EVC2: variants seen among roughly 807,000 people sequenced by gnomAD.
The protein encoded by EVC2 is EvC ciliary complex subunit 2.
In EVC2, 148 loss-of-function variants were observed where a neutral mutation model predicts 149.3. That is an observed-to-expected ratio of 0.99 (90% CI 0.87 to 1.14). The LOEUF (loss-of-function observed/expected upper bound fraction) is 1.14, where lower values mean the gene tolerates loss of function less well. EVC2 is among the 50% of genes most tolerant of loss of function. The pLI, the probability that EVC2 is intolerant of heterozygous loss-of-function variation, is 0.00. For missense variants in EVC2, 1,854 were observed against 1,627.3 expected, an observed-to-expected ratio of 1.14 and a Z score of -2.40; for synonymous variants, 776 against 649.9, an observed-to-expected ratio of 1.19 and a Z score of -2.95.
At chr4:5,698,138 C>G (rs183095409) in intron 1 of EVC2, among the ~76,000 whole-genome samples, 4 of 152,294 alleles carry the variant, frequency 2.6e-5, no homozygotes, top group South Asian at 2.1e-4. Context: ...ATTCCCTTCT[C>G]TTTCCCAGGG....
At chr4:5,578,292 C>T in intron 17 of EVC2, among the ~76,000 whole-genome samples, 1 of 152,130 alleles carries the variant, frequency 6.6e-6, no homozygotes, top group East Asian at 1.9e-4. Flanking sequence ...GCAACAATAA[C>T]AACAATGATG....
chr4:5,540,260 G>T (rs1721490207), downstream of EVC2, among the ~76,000 whole-genome samples: 1 of 152,232 alleles, frequency 6.6e-6, no homozygotes. Flanking sequence ...AAACACTGTG[G>T]AAAGCTGTTT....
Position 5,576,501 on chromosome 4 carries a change from T to C in EVC2, c.3058-47A>G, listed in dbSNP as rs368166113. 3 of 1,543,708 alleles carry C rather than the reference T, an allele frequency of 1.9e-6. No homozygotes were observed. The highest frequency in any genetic ancestry group is 2.6e-6 in the Non-Finnish European group (3 of 1,148,922). ...GGTAAGCACCACTGCACAAGGCGGG[T>C]GGGGTGGAGGACAAAATCTGACCTC... On this transcript the variant is annotated intron_variant, in intron 17 of 21. Coordinates refer to ENST00000344408, the MANE Select transcript of EVC2 (RefSeq NM_147127.5). The surrounding 1 kb of genome is among the most constrained non-coding windows in gnomAD (Gnocchi z 4.5).
intron 9 of EVC2, among the ~76,000 whole-genome samples, chr4:5,655,863 C>A (rs1577214340): frequency 6.6e-6 from 1 of 151,956 alleles, no homozygotes; most frequent in Non-Finnish European, 1.5e-5. Flanking sequence ...TATTTATGGG[C>A]CTCGTAAAAC....
chr4:5,535,436 G>A, the EVC2 span, among the ~76,000 whole-genome samples: 1 of 152,092 alleles, frequency 6.6e-6, no homozygotes, highest in African/African-American at 2.4e-5. This position sits in a 1 kb window ranked among gnomAD's most constrained non-coding sequence, Gnocchi z 4.7. Flanking sequence ...TGAGTTACAG[G>A]CTTCTGCTTT....
At chr4:5,595,548 TA>T (rs1306964679) in intron 16 of EVC2, among the ~76,000 whole-genome samples, 1 of 152,104 alleles carries the variant, frequency 6.6e-6, no homozygotes, top group Non-Finnish European at 1.5e-5. Flanking sequence ...AGGCCTGCCC[TA>T]AAAGAGCTCC....
At chr4:5,653,465 G>A (rs371941729) in intron 9 of EVC2, among the ~76,000 whole-genome samples, 3 of 152,186 alleles carry the variant, frequency 2.0e-5, no homozygotes, top group African/African-American at 7.2e-5. Context: ...CTAAGATTCT[G>A]TTTTCCTGGG....
intron 21 of EVC2, chr4:5,543,262 C>T (rs1484023275): frequency 1.6e-6 from 2 of 1,212,540 alleles, no homozygotes; most frequent in East Asian, 5.7e-5. Flanking sequence ...CCATCCCTAC[C>T]CACATTGTAC....
intron 16 of EVC2, among the ~76,000 whole-genome samples, chr4:5,594,142 G>C (rs1713135483): frequency 6.6e-6 from 1 of 152,170 alleles, no homozygotes; most frequent in Non-Finnish European, 1.5e-5. Context: ...TCTGGGGGCA[G>C]GGCACAGACA....
intron 16 of EVC2, among the ~76,000 whole-genome samples, chr4:5,610,569 C>G (rs980387561): frequency 6.6e-6 from 1 of 152,082 alleles, no homozygotes; most frequent in East Asian, 1.9e-4. Flanking sequence ...GGACAAAGGT[C>G]TGCCCCAAAT....
In EVC2 at chr4:5,653,341, A is replaced by C. The variant is rs531580472; in HGVS notation, c.1145+9766T>G. On this transcript the variant is annotated intron_variant, in intron 9 of 21. Transcript: ENST00000344408. ...GGACTGCAGTCCCTCTCCATCCATG[A>C]CAACATCCAACTAGAAATGGGTTGG... 1.7e-3 allele frequency among the ~76,000 whole-genome samples: 262 copies of C among 152,322 alleles called. 1 individual carries two copies. Among genetic ancestry groups the C allele is most frequent in the Middle Eastern group, 3.4e-3 (1 of 294 alleles).
downstream of EVC2, among the ~76,000 whole-genome samples, chr4:5,541,956 A>G (rs1011150431): frequency 6.6e-6 from 1 of 152,114 alleles, no homozygotes; most frequent in Admixed American, 6.5e-5. Context: ...CCTAATTTCA[A>G]TGTGATGGCG....
At chr4:5,590,454 A>C (rs1434376860) in intron 16 of EVC2, among the ~76,000 whole-genome samples, 1 of 151,298 alleles carries the variant, frequency 6.6e-6, no homozygotes, top group Admixed American at 6.6e-5. Flanking sequence ...ACCTTGCTAC[A>C]CTCCCTCCCT....
At chr4:5,561,512 C>A (rs1416084624), downstream of EVC2, among the ~76,000 whole-genome samples, 1 of 152,224 alleles carries the variant, frequency 6.6e-6, no homozygotes, top group Non-Finnish European at 1.5e-5. Context: ...AAACGGTGCA[C>A]AGCTGCTGTC....
At chr4:5,663,383 A>T (rs561602865) in intron 8 of EVC2, 137 bp from the exon 9 acceptor site, 2 of 1,196,984 alleles carry the variant, frequency 1.7e-6, no homozygotes, top group African/African-American at 1.5e-5. Flanking sequence ...CAGTAAACCC[A>T]GACAAGCTTT....
chr4:5,706,657 A>C (rs1232170509), intron 1 of EVC2, among the ~76,000 whole-genome samples: 1 of 151,982 alleles, frequency 6.6e-6, no homozygotes, highest in Non-Finnish European at 1.5e-5. Context: ...CAGGCCCCAC[A>C]AGAGGGAGTG....
At chr4:5,584,202 G>C (rs943410487) in intron 17 of EVC2, among the ~76,000 whole-genome samples, 2 of 152,028 alleles carry the variant, frequency 1.3e-5, no homozygotes, top group Non-Finnish European at 1.5e-5. Flanking sequence ...TTTGTTTTAC[G>C]GATATACCTC....
At chr4:5,642,822 C>T (rs1053395102) in intron 9 of EVC2, among the ~76,000 whole-genome samples, 1 of 152,182 alleles carries the variant, frequency 6.6e-6, no homozygotes, top group African/African-American at 2.4e-5. Context: ...ATAAAATTTG[C>T]AAGGGCTTAA....
intron 6 of EVC2, 22 bp from the exon 7 acceptor site, chr4:5,681,335 C>G: frequency 6.2e-7 from 1 of 1,614,050 alleles, no homozygotes; most frequent in Non-Finnish European, 8.5e-7. Context: ...AAAAAGAAAA[C>G]ACTTTCAGCA....
Sources: allele counts gnomAD v4.1 joint callset (sites outside exome capture counted in the v4.1 genomes callset), GRCh38; gene constraint gnomAD v4.1.1; non-coding constraint Gnocchi (gnomAD v3.1); transcripts MANE v1.5; gene names NCBI Gene and HGNC (gene_info 2026-07-23, HGNC 2026-07-21).